Variants in PARD3B observed in about 807,000 individuals in gnomAD.
PARD3B encodes partitioning defective 3 homolog B.
PARD3B carries 103 observed loss-of-function variants against 130.2 expected under a neutral mutation model. That is an observed-to-expected ratio of 0.79 (90% confidence interval 0.67 to 0.93). The LOEUF (loss-of-function observed/expected upper bound fraction) is 0.93, where lower values mean the gene tolerates loss of function less well. PARD3B is among the 40% of genes least tolerant of loss of function. The pLI is 0.00. For missense variants in PARD3B, 1,609 were observed against 1,499.2 expected (o/e 1.07, Z -1.21); for synonymous variants, 583 against 553.2 (o/e 1.05, Z -0.76).
At chr2:204,730,691 TTA>T (rs2039472697) in intron 2 of PARD3B, among the ~76,000 whole-genome samples, 1 of 152,150 alleles carries the variant, frequency 6.6e-6, no homozygotes. Context: ...AATCGCTGTA[TTA>T]AACACAGATG....
intron 11 of PARD3B, among the ~76,000 whole-genome samples, chr2:205,169,852 T>G (rs1269155187): frequency 6.6e-6 from 1 of 151,976 alleles, no homozygotes; most frequent in Non-Finnish European, 1.5e-5. Context: ...TATATGACAA[T>G]AGAGCAGAAA....
Position 204,976,886 on chromosome 2 carries a change from AGG to A in PARD3B, c.394+11566_394+11567del, listed in dbSNP as rs1692219468. ...CTGCCTCCCAAAGTGCTGGGATTAC[AGG>A]GGTGAGCCAGTCCCACCTAGCCATG... On this transcript the variant is annotated intron_variant, in intron 3 of 22. Transcript: ENST00000406610. 3.9e-5 allele frequency among the ~76,000 whole-genome samples: 6 copies of A among 152,250 alleles called. No individual in the cohort carries two copies. The South Asian group carries it at 1.2e-3, about 32-fold the overall frequency.
intron 2 of PARD3B, among the ~76,000 whole-genome samples, chr2:204,739,697 C>T (rs2039911331): frequency 6.6e-6 from 1 of 152,088 alleles, no homozygotes; most frequent in Non-Finnish European, 1.5e-5. Flanking sequence ...TCCCTGGCCT[C>T]AAGTGATGCT....
Position 204,830,847 on chromosome 2 carries a change from TA to T in PARD3B, c.223-134304del, listed in dbSNP as rs2043792738. ...ATTTAGCCCAAGGGAGGAGAACACT[TA>T]TTCAGAAGATCATTGTCCCATTAGG... On this transcript the variant is annotated intron_variant, in intron 2 of 22. Transcript: ENST00000406610. Among the ~76,000 whole-genome samples, 3 of 152,322 alleles carry T rather than the reference TA, an allele frequency of 2.0e-5. No homozygotes were observed. The South Asian group carries it at 6.2e-4, about 32-fold the overall frequency.
At chr2:204,837,879 T>A (rs55941034) in intron 2 of PARD3B, among the ~76,000 whole-genome samples, 2,445 of 152,252 alleles carry the variant, frequency 0.016, 66 homozygotes, top group African/African-American at 0.056. Context: ...GACCACTATT[T>A]GTCCTACCTA....
chr2:204,671,260 G>A (rs1056930074), intron 1 of PARD3B, among the ~76,000 whole-genome samples: 8 of 152,086 alleles, frequency 5.3e-5, no homozygotes, highest in Non-Finnish European at 1.0e-4. Flanking sequence ...TTTACATTCA[G>A]CCCTTCTCTG....
At chr2:205,372,177 G>A (rs546847983) in intron 18 of PARD3B, among the ~76,000 whole-genome samples, 1 of 152,238 alleles carries the variant, frequency 6.6e-6, no homozygotes, top group South Asian at 2.1e-4. Context: ...ATATATTTAA[G>A]AGTGGAATTT....
chr2:204,765,983 C>T (rs1435429209), intron 2 of PARD3B, among the ~76,000 whole-genome samples: 5 of 152,148 alleles, frequency 3.3e-5, no homozygotes, highest in Non-Finnish European at 7.4e-5. Flanking sequence ...TATTACTTGG[C>T]ATATTTTGAA....
chr2:205,582,735 G>A (rs2054037519), intron 22 of PARD3B, among the ~76,000 whole-genome samples: 1 of 151,734 alleles, frequency 6.6e-6, no homozygotes, highest in Non-Finnish European at 1.5e-5. Context: ...TTGGGAGCTA[G>A]TAAAGGAAGT....
intron 2 of PARD3B, among the ~76,000 whole-genome samples, chr2:204,691,480 T>TGGA (rs1204341082): frequency 2.0e-5 from 3 of 152,108 alleles, no homozygotes; most frequent in Non-Finnish European, 2.9e-5. Flanking sequence ...GGTATTCAAA[T>TGGA]GTTATAATTT....
At chr2:204,728,712 T>C (rs1369515393) in intron 2 of PARD3B, among the ~76,000 whole-genome samples, 2 of 152,184 alleles carry the variant, frequency 1.3e-5, no homozygotes, top group East Asian at 1.9e-4. Flanking sequence ...TTTAAAACAG[T>C]GAGTTGCATA....
chr2:204,785,755 C>G (rs2041985700), intron 2 of PARD3B, among the ~76,000 whole-genome samples: 1 of 152,156 alleles, frequency 6.6e-6, no homozygotes, highest in Non-Finnish European at 1.5e-5. Flanking sequence ...TTTATTTTTA[C>G]CTTTTTCCCC....
intron 19 of PARD3B, among the ~76,000 whole-genome samples, chr2:205,418,198 G>A (rs1006438690): frequency 6.6e-6 from 1 of 152,132 alleles, no homozygotes; most frequent in Non-Finnish European, 1.5e-5. Context: ...TCCTTGAGAT[G>A]TGCTGTCACA....
chr2:204,575,193 T>C (rs1163869837), intron 1 of PARD3B, among the ~76,000 whole-genome samples: 1 of 152,218 alleles, frequency 6.6e-6, no homozygotes, highest in Non-Finnish European at 1.5e-5. Flanking sequence ...TTGTTAAACA[T>C]GCATAATTTC....
At chr2:205,213,785 A>G (rs1449414294) in intron 15 of PARD3B, among the ~76,000 whole-genome samples, 1 of 152,172 alleles carries the variant, frequency 6.6e-6, no homozygotes, top group East Asian at 1.9e-4. Context: ...AACGTATTTA[A>G]GGAAGGAACC....
chr2:205,540,092 C>T (rs141066534), intron 21 of PARD3B, among the ~76,000 whole-genome samples: 152 of 152,196 alleles, frequency 1.0e-3, no homozygotes, highest in African/African-American at 3.2e-3. Flanking sequence ...GTGAGTTGTG[C>T]GGCACCGTCA....
chr2:205,400,641 C>CAAAAAAAAAAAAAAAAAA (rs375044318), intron 18 of PARD3B, among the ~76,000 whole-genome samples: 1 of 137,688 alleles, frequency 7.3e-6, no homozygotes, highest in African/African-American at 2.7e-5. Flanking sequence ...GACGCTGTCT[C>CAAAAAAAAAAAAAAAAAA]AAAAAAAAAA....
chr2:204,639,428 G>A (rs1413101908), intron 1 of PARD3B, among the ~76,000 whole-genome samples: 1 of 152,072 alleles, frequency 6.6e-6, no homozygotes, highest in Non-Finnish European at 1.5e-5. Context: ...TATATAAACA[G>A]GTGACCCTCA....
chr2:205,078,893 G>C lies in PARD3B; in HGVS notation c.505-25533G>C, dbSNP rs143298409. On this transcript the variant is annotated intron_variant, in intron 4 of 22. Coordinates refer to ENST00000406610, the MANE Select transcript of PARD3B (RefSeq NM_001302769.2). This position sits in a 1 kb window ranked among gnomAD's most constrained non-coding sequence, Gnocchi z 4.0. Reference sequence around the variant, plus strand: ...GGCAATCTAGTTGGCAGCCATGGCAGATCTCCCAGCTTCCAGCTCGCATCA... The same window carrying C: ...GGCAATCTAGTTGGCAGCCATGGCACATCTCCCAGCTTCCAGCTCGCATCA... Among the ~76,000 whole-genome samples the C allele has an allele frequency of 2.3e-3, 350 of 152,306 alleles. 5 individuals are homozygous for C. Among genetic ancestry groups the C allele is most frequent in the African/African-American group, 8.1e-3 (338 of 41,580 alleles).
Sources: allele counts gnomAD v4.1 joint callset (sites outside exome capture counted in the v4.1 genomes callset), GRCh38; gene constraint gnomAD v4.1.1; non-coding constraint Gnocchi (gnomAD v3.1); transcripts MANE v1.5; gene names NCBI Gene and HGNC (gene_info 2026-07-23, HGNC 2026-07-21).